The following CNTNAP2 variants were observed in gnomAD, a reference collection of about 807,000 sequenced individuals.
CNTNAP2 encodes contactin-associated protein-like 2.
A neutral mutation model predicts 155.2 loss-of-function variants in CNTNAP2; 98 were observed. The observed-to-expected ratio is 0.63, with a 90% CI of 0.54 to 0.75. CNTNAP2 has a LOEUF of 0.75. Ranked by LOEUF, CNTNAP2 falls within the 30% of genes least tolerant of loss-of-function variation. The pLI is 0.00. For synonymous variants in CNTNAP2, 651 were observed against 631.2 expected (o/e 1.03, Z -0.47); for missense variants, 1,727 against 1,688.1 (o/e 1.02, Z -0.40).
At chr7:146,585,572 T>G (rs1798676349) in intron 1 of CNTNAP2, among the ~76,000 whole-genome samples, 2 of 152,238 alleles carry the variant, frequency 1.3e-5, no homozygotes, top group South Asian at 4.2e-4. Flanking sequence ...TATATATGAC[T>G]TTGTTACATT....
intron 14 of CNTNAP2, among the ~76,000 whole-genome samples, chr7:147,914,919 A>G (rs1800133918): frequency 6.6e-6 from 1 of 152,216 alleles, no homozygotes; most frequent in Non-Finnish European, 1.5e-5. Context: ...GAAAATCTAC[A>G]AAAGAAACAA....
At chr7:148,233,595 G>T (rs2116785851) in intron 20 of CNTNAP2, among the ~76,000 whole-genome samples, 1 of 152,224 alleles carries the variant, frequency 6.6e-6, no homozygotes, top group East Asian at 1.9e-4. Flanking sequence ...CATAGAAAAT[G>T]CCCATAGCAT....
At chr7:146,796,142 A>G (rs1309308010) in intron 2 of CNTNAP2, among the ~76,000 whole-genome samples, 1 of 152,198 alleles carries the variant, frequency 6.6e-6, no homozygotes, top group East Asian at 1.9e-4. Flanking sequence ...AAAGAAACAG[A>G]AAGGCATGCT....
chr7:148,051,970 TCTA>T (rs1802899685), intron 15 of CNTNAP2, among the ~76,000 whole-genome samples: 1 of 152,018 alleles, frequency 6.6e-6, no homozygotes, highest in Non-Finnish European at 1.5e-5. Flanking sequence ...AAACCCTGTC[TCTA>T]CTAAAAATAC....
intron 1 of CNTNAP2, among the ~76,000 whole-genome samples, chr7:146,190,592 C>T (rs57226858): frequency 0.037 from 5,633 of 152,150 alleles, 349 homozygotes; most frequent in African/African-American, 0.13. Flanking sequence ...TGTCCACCTT[C>T]GCCTTACAAT....
At chr7:146,998,774 C>A (rs1054378400) in intron 3 of CNTNAP2, among the ~76,000 whole-genome samples, 2 of 151,628 alleles carry the variant, frequency 1.3e-5, no homozygotes, top group African/African-American at 2.4e-5. Flanking sequence ...TTATAATGAC[C>A]TTTTTGTCTC....
chr7:146,955,606 T>C (rs1797418072), intron 3 of CNTNAP2, among the ~76,000 whole-genome samples: 1 of 152,004 alleles, frequency 6.6e-6, no homozygotes, highest in Non-Finnish European at 1.5e-5. Context: ...ATGATAAGTT[T>C]ATCGAAGATA....
chr7:146,736,736 A>G (rs1352783474), intron 1 of CNTNAP2, among the ~76,000 whole-genome samples: 1 of 152,178 alleles, frequency 6.6e-6, no homozygotes, highest in Non-Finnish European at 1.5e-5. Flanking sequence ...TGGACAGAAA[A>G]ATAATCAAAT....
chr7:148,414,110 CCCCT>C lies in CNTNAP2; in HGVS notation c.3797-1305_3797-1302del, dbSNP rs1208613628. Among the ~76,000 whole-genome samples, 288 of 96,478 alleles carry C rather than the reference CCCCT, an allele frequency of 3.0e-3. 2 individuals carry two copies. Among genetic ancestry groups the C allele is most frequent in the African/African-American group, 9.1e-3 (205 of 22,614 alleles). The allele number at this position is 96,478 out of a possible 152,430, so 63.3% of individuals were successfully genotyped here. ...TTTTTTAGACAGAGTCCCCCCCCCCCCCCTCACACAAGCTGGAGTGCAGTGGCAC... is the reference window on the plus strand; with the variant it reads ...TTTTTTAGACAGAGTCCCCCCCCCCCCACACAAGCTGGAGTGCAGTGGCAC... On this transcript the variant is annotated intron_variant, in intron 23 of 23. Coordinates refer to ENST00000361727, the MANE Select transcript of CNTNAP2 (RefSeq NM_014141.6).
At chr7:147,731,257 G>A (rs1242940620) in intron 13 of CNTNAP2, among the ~76,000 whole-genome samples, 1 of 152,082 alleles carries the variant, frequency 6.6e-6, no homozygotes, top group African/African-American at 2.4e-5. Flanking sequence ...GACTTCTATA[G>A]CTAGAAAGAA....
intron 8 of CNTNAP2, among the ~76,000 whole-genome samples, chr7:147,202,516 G>C (rs1242277536): frequency 1.3e-5 from 2 of 152,080 alleles, no homozygotes; most frequent in Non-Finnish European, 2.9e-5. Flanking sequence ...ATTAACCATT[G>C]ATCAAAAATT....
intron 1 of CNTNAP2, among the ~76,000 whole-genome samples, chr7:146,281,389 C>T (rs966865741): frequency 5.3e-5 from 8 of 152,106 alleles, no homozygotes; most frequent in African/African-American, 1.7e-4. Context: ...CCTGGCATTT[C>T]TGAAATCAAT....
intron 18 of CNTNAP2, among the ~76,000 whole-genome samples, chr7:148,211,772 A>T (rs149400061): frequency 0.011 from 1,717 of 152,318 alleles, 30 homozygotes; most frequent in African/African-American, 0.04. Context: ...ACTCTTCAGT[A>T]ATCTTTTATT....
intron 1 of CNTNAP2, among the ~76,000 whole-genome samples, chr7:146,410,919 T>C (rs903883589): frequency 1.3e-5 from 2 of 152,182 alleles, no homozygotes; most frequent in Non-Finnish European, 2.9e-5. Context: ...TTCAGGTTTA[T>C]CCACGTGTTT....
chr7:147,219,928 A>G (rs927554387), intron 8 of CNTNAP2, among the ~76,000 whole-genome samples: 1 of 141,276 alleles, frequency 7.1e-6, no homozygotes, highest in Non-Finnish European at 1.5e-5. Context: ...GGCACCCACC[A>G]CCACGCCCAG....
chr7:146,340,168 CAAAAAAAAAAAAA>C (rs1195946572), intron 1 of CNTNAP2, among the ~76,000 whole-genome samples: 1 of 54,894 alleles, frequency 1.8e-5, no homozygotes, highest in African/African-American at 5.6e-5. Context: ...GACTCCGCCT[CAAAAAAAAAAAAA>C]AAAAAAAAAA....
chr7:148,245,349 A>T (rs1796240591), intron 20 of CNTNAP2, among the ~76,000 whole-genome samples: 1 of 152,218 alleles, frequency 6.6e-6, no homozygotes, highest in African/African-American at 2.4e-5. Flanking sequence ...AGTTGTGTGC[A>T]ATTAAAAAAA....
At chr7:146,867,235 T>C (rs140822716) in intron 3 of CNTNAP2, among the ~76,000 whole-genome samples, 204 of 152,236 alleles carry the variant, frequency 1.3e-3, no homozygotes, top group African/African-American at 4.5e-3. Context: ...TAAGTTCTTA[T>C]CATTAGGCTC....
At chr7:146,454,609 T>C (rs1004815048) in intron 1 of CNTNAP2, among the ~76,000 whole-genome samples, 1 of 151,758 alleles carries the variant, frequency 6.6e-6, no homozygotes, top group African/African-American at 2.4e-5. Context: ...AATTAGTATA[T>C]ACATAATAGT....
Sources: gnomAD v4.1 joint callset for allele counts (sites outside exome capture counted in the v4.1 genomes callset) on GRCh38, gnomAD v4.1.1 for gene constraint, MANE v1.5 for transcripts, NCBI Gene and HGNC (gene_info 2026-07-23, HGNC 2026-07-21) for gene names.